RBFOX1: variants seen among roughly 807,000 people sequenced by gnomAD.
The protein encoded by RBFOX1 is RNA binding protein fox-1 homolog 1.
A neutral mutation model predicts 57.7 loss-of-function variants in RBFOX1; 8 were observed. The observed-to-expected ratio is 0.14, with a 90% CI of 0.08 to 0.25. RBFOX1 has a LOEUF of 0.25. RBFOX1 is among the 10% of genes least tolerant of loss of function. RBFOX1 has a pLI of 1.00. For missense variants in RBFOX1, 611 were observed against 548.5 expected, an observed-to-expected ratio of 1.11 and a Z score of -1.14; for synonymous variants, 326 against 222.4, an observed-to-expected ratio of 1.47 and a Z score of -4.15.
intron 1 of RBFOX1, among the ~76,000 whole-genome samples, chr16:6,171,945 C>A (rs2096963586): frequency 6.6e-6 from 1 of 152,020 alleles, no homozygotes; most frequent in South Asian, 2.1e-4. Flanking sequence ...CCTCAGCCTC[C>A]TGAGTAGCTG....
At chr16:7,195,018 ATTAG>A (rs2086341633) in intron 4 of RBFOX1, among the ~76,000 whole-genome samples, 1 of 151,502 alleles carries the variant, frequency 6.6e-6, no homozygotes, top group Non-Finnish European at 1.5e-5. Context: ...TTGGTTCTTA[ATTAG>A]TTGTTTATTG....
In RBFOX1 at chr16:6,360,637, A is replaced by G. The variant is rs958628003; in HGVS notation, c.-64+43580A>G. ...GGATGGACCATCTATTACTTGACAA[A>G]CCCTTTGTCAAGTATATCATGCCGT... On this transcript the variant is annotated intron_variant, in intron 2 of 15. Coordinates refer to ENST00000550418, the MANE Select transcript of RBFOX1 (RefSeq NM_018723.4). Among the ~76,000 whole-genome samples the G allele has an allele frequency of 2.0e-5, 3 of 152,202 alleles. No individual in the cohort carries two copies. The East Asian group carries it at 5.8e-4, about 29-fold the overall frequency.
At position 6,493,001 on chromosome 16, in the gene RBFOX1, C is replaced by G. The variant is rs148203477; in HGVS notation, c.-63-161602C>G. Reference sequence around the variant, plus strand: ...GGGCAGGGAAGAGATGAAGCTTTTGCTTTTAAGATTACACCTTTATTCTTT... The same window carrying G: ...GGGCAGGGAAGAGATGAAGCTTTTGGTTTTAAGATTACACCTTTATTCTTT... On this transcript the variant is annotated intron_variant, in intron 2 of 15. Coordinates refer to ENST00000550418, the MANE Select transcript of RBFOX1 (RefSeq NM_018723.4). Among the ~76,000 whole-genome samples, 1,208 of 152,274 alleles carry G rather than the reference C, an allele frequency of 7.9e-3. 10 individuals are homozygous for G. The highest frequency in any genetic ancestry group is 0.031 in the Middle Eastern group (9 of 294).
chr16:5,888,389 T>C (rs1193853330), intron 4 of RBFOX1, among the ~76,000 whole-genome samples: 48 of 152,182 alleles, frequency 3.2e-4, no homozygotes, highest in Admixed American at 3.1e-3. Flanking sequence ...ATTATTATTA[T>C]TGTTGCTTAA....
intron 3 of RBFOX1, chr16:6,774,034 C>G: frequency 1.0e-6 from 1 of 981,398 alleles, no homozygotes; most frequent in Non-Finnish European, 1.2e-6. Flanking sequence ...TTTGCTTTTT[C>G]TACCTGTAAA....
intron 4 of RBFOX1, among the ~76,000 whole-genome samples, chr16:7,312,733 C>G (rs1253652216): frequency 6.6e-6 from 1 of 152,210 alleles, no homozygotes; most frequent in Non-Finnish European, 1.5e-5. Context: ...TATTTACTTT[C>G]AAAAGCTGAC....
intron 3 of RBFOX1, among the ~76,000 whole-genome samples, chr16:6,924,461 A>G (rs1174956979): frequency 1.3e-5 from 2 of 151,992 alleles, no homozygotes; most frequent in Non-Finnish European, 2.9e-5. Flanking sequence ...GATGGCAGGC[A>G]CCAAGCCATT....
intron 5 of RBFOX1, among the ~76,000 whole-genome samples, chr16:7,560,262 T>A (rs1217176894): frequency 6.6e-6 from 1 of 152,236 alleles, no homozygotes; most frequent in African/African-American, 2.4e-5. Flanking sequence ...GTGGACTTCT[T>A]GGCTTACCCA....
At chr16:7,258,384 ATACACT>A (rs2094781882) in intron 4 of RBFOX1, among the ~76,000 whole-genome samples, 2 of 152,304 alleles carry the variant, frequency 1.3e-5, no homozygotes, top group African/African-American at 4.8e-5. Flanking sequence ...TCATGTCTAA[ATACACT>A]TAACTTGGGA....
chr16:5,809,680 T>C (rs2055352761), intron 3 of RBFOX1, among the ~76,000 whole-genome samples: 1 of 152,084 alleles, frequency 6.6e-6, no homozygotes, highest in Non-Finnish European at 1.5e-5. Flanking sequence ...AAACAACAGG[T>C]GCTGGAGAGG....
At chr16:6,642,971 CT>C (rs1408696878) in intron 2 of RBFOX1, among the ~76,000 whole-genome samples, 1 of 152,150 alleles carries the variant, frequency 6.6e-6, no homozygotes, top group East Asian at 1.9e-4. Flanking sequence ...TGAAATAGCT[CT>C]TACATCGTGA....
intron 3 of RBFOX1, among the ~76,000 whole-genome samples, chr16:6,988,237 T>C (rs1032360806): frequency 1.4e-4 from 22 of 152,238 alleles, no homozygotes; most frequent in Non-Finnish European, 3.2e-4. Context: ...ATTTTCCTGC[T>C]GGTTTTTCCA....
chr16:7,352,121 C>T (rs1354132404), intron 4 of RBFOX1, among the ~76,000 whole-genome samples: 3 of 152,124 alleles, frequency 2.0e-5, no homozygotes, highest in African/African-American at 7.2e-5. Flanking sequence ...ATTGTCAAAG[C>T]ACCCCACGGC....
chr16:6,651,697 C>T (rs1288764382), intron 2 of RBFOX1, among the ~76,000 whole-genome samples: 1 of 152,140 alleles, frequency 6.6e-6, no homozygotes, highest in African/African-American at 2.4e-5. Context: ...TTGGCAATCT[C>T]ACTTCTGGGC....
chr16:6,185,400 A>T (rs2097098775), intron 1 of RBFOX1, among the ~76,000 whole-genome samples: 1 of 152,218 alleles, frequency 6.6e-6, no homozygotes, highest in South Asian at 2.1e-4. Context: ...CAATACCGAC[A>T]ATAAGCTGAT....
intron 4 of RBFOX1, among the ~76,000 whole-genome samples, chr16:5,930,380 G>A (rs1356224831): frequency 7.4e-6 from 1 of 135,030 alleles, no homozygotes; most frequent in Non-Finnish European, 1.6e-5. Flanking sequence ...ATGGATGGAT[G>A]CATGGATGGA....
At chr16:7,418,756 C>G (rs139991404) in intron 4 of RBFOX1, among the ~76,000 whole-genome samples, 109 of 133,568 alleles carry the variant, frequency 8.2e-4, no homozygotes, top group Non-Finnish European at 1.4e-3. Flanking sequence ...CTTTTCTCCT[C>G]TCTCTCACTG....
chr16:5,808,011 G>A (rs568047858), intron 3 of RBFOX1, among the ~76,000 whole-genome samples: 2 of 152,152 alleles, frequency 1.3e-5, no homozygotes, highest in Admixed American at 1.3e-4. Context: ...ACACCTATCA[G>A]GCTTACTCCT....
rs142158951 is a variant in RBFOX1, at chr16:7,197,106, C to T, written c.27+145008C>T. 3.3e-3 allele frequency among the ~76,000 whole-genome samples: 510 copies of T among 152,282 alleles called. 2 individuals carry two copies. The highest frequency in any genetic ancestry group is 0.012 in the African/African-American group (486 of 41,562). On this transcript the variant is annotated intron_variant, in intron 4 of 15. Coordinates refer to ENST00000550418, the MANE Select transcript of RBFOX1 (RefSeq NM_018723.4). ...CATGTATTACTCCTGTTCCATCTCT[C>T]CCAGTTATTCCTTCTCTACCCATCT...
Sources: allele counts gnomAD v4.1 joint callset (sites outside exome capture counted in the v4.1 genomes callset), GRCh38; gene constraint gnomAD v4.1.1; transcripts MANE v1.5; gene names NCBI Gene and HGNC (gene_info 2026-07-23, HGNC 2026-07-21).